Variants in PLA2G4C observed in about 807,000 individuals in gnomAD.
PLA2G4C encodes cytosolic phospholipase A2 gamma.
A neutral mutation model predicts 73.8 loss-of-function variants in PLA2G4C; 64 were observed. The ratio of observed to expected loss-of-function variants is 0.87; its 90% CI spans 0.71 to 1.07. PLA2G4C has a LOEUF of 1.07. Ranked by LOEUF, PLA2G4C falls within the 50% of genes least tolerant of loss-of-function variation. The pLI, the probability that PLA2G4C is intolerant of heterozygous loss-of-function variation, is 0.00. For missense variants in PLA2G4C, 622 were observed against 665.4 expected, an observed-to-expected ratio of 0.93 and a Z score of 0.72; for synonymous variants, 254 against 252.1, an observed-to-expected ratio of 1.01 and a Z score of -0.07.
chr19:48,096,316 C>G (rs1407221173), intron 6 of PLA2G4C, among the ~76,000 whole-genome samples: 1 of 152,140 alleles, frequency 6.6e-6, no homozygotes, highest in African/African-American at 2.4e-5. Context: ...GGCGTGGTGG[C>G]TCACGTCTGT....
chr19:48,086,320 C>T (rs992420882), intron 9 of PLA2G4C, among the ~76,000 whole-genome samples: 1 of 152,106 alleles, frequency 6.6e-6, no homozygotes, highest in Non-Finnish European at 1.5e-5. Flanking sequence ...GTGGGATCCG[C>T]GTGGGGCTTA....
At chr19:48,067,425 C>A (rs1968474487) in intron 13 of PLA2G4C, among the ~76,000 whole-genome samples, 1 of 152,170 alleles carries the variant, frequency 6.6e-6, no homozygotes, top group Non-Finnish European at 1.5e-5. Flanking sequence ...GCCTCAGCCT[C>A]CCAAAGTGCT....
intron 10 of PLA2G4C, among the ~76,000 whole-genome samples, chr19:48,082,185 A>C (rs148976829): frequency 3.9e-5 from 6 of 152,230 alleles, no homozygotes; most frequent in South Asian, 2.1e-4. Flanking sequence ...TCATCGTGTA[A>C]CAGAAACCAC....
At chr19:48,090,860 C>G (rs942953457) in intron 7 of PLA2G4C, among the ~76,000 whole-genome samples, 1 of 152,080 alleles carries the variant, frequency 6.6e-6, no homozygotes, top group Admixed American at 6.5e-5. Context: ...AAGGAGCAGG[C>G]CAGGTATGGT....
intron 7 of PLA2G4C, among the ~76,000 whole-genome samples, chr19:48,095,131 T>A (rs1179956702): frequency 6.6e-6 from 1 of 152,118 alleles, no homozygotes; most frequent in Non-Finnish European, 1.5e-5. Flanking sequence ...CAAGGGATCC[T>A]CCCAGGTCAG....
intron 11 of PLA2G4C, among the ~76,000 whole-genome samples, chr19:48,076,472 G>T (rs112009684): frequency 0.02 from 3,117 of 152,206 alleles, 108 homozygotes; most frequent in African/African-American, 0.07. Context: ...GCCCAGCGCG[G>T]TGGCTCACAC....
At chr19:48,076,025 C>T (rs931528401) in intron 11 of PLA2G4C, among the ~76,000 whole-genome samples, 2 of 152,236 alleles carry the variant, frequency 1.3e-5, no homozygotes, top group African/African-American at 4.8e-5. Flanking sequence ...CCCCAGAATC[C>T]AACCCTACTG....
intron 4 of PLA2G4C, 85 bp downstream of exon 4, chr19:48,104,503 A>G (rs931357382): frequency 1.3e-5 from 18 of 1,379,926 alleles, no homozygotes; most frequent in Admixed American, 1.8e-5. Context: ...AGCGTTGGAA[A>G]AAACCACACA....
intron 7 of PLA2G4C, among the ~76,000 whole-genome samples, chr19:48,093,151 C>T (rs925387247): frequency 6.6e-6 from 1 of 152,076 alleles, no homozygotes; most frequent in African/African-American, 2.4e-5. Flanking sequence ...TGAAGGACCC[C>T]GTCTGTCCAG....
chr19:48,049,775 G>A (rs1163120852), intron 16 of PLA2G4C, among the ~76,000 whole-genome samples: 1 of 152,146 alleles, frequency 6.6e-6, no homozygotes, highest in Non-Finnish European at 1.5e-5. Context: ...AGGCACAGAG[G>A]AAAATCATGT....
At chr19:48,075,968 C>T (rs1385960920) in intron 11 of PLA2G4C, among the ~76,000 whole-genome samples, 2 of 152,236 alleles carry the variant, frequency 1.3e-5, no homozygotes, top group East Asian at 3.8e-4. Flanking sequence ...AACATTAAAG[C>T]CCGCCATGTG....
chr19:48,065,451 A>G (rs990612207), intron 13 of PLA2G4C, among the ~76,000 whole-genome samples: 1 of 151,938 alleles, frequency 6.6e-6, no homozygotes, highest in East Asian at 1.9e-4. Flanking sequence ...CCCTGTCTCT[A>G]CTAAAAATAC....
At chr19:48,101,671 T>C (rs1051684108) in intron 4 of PLA2G4C, among the ~76,000 whole-genome samples, 3 of 141,332 alleles carry the variant, frequency 2.1e-5, no homozygotes, top group African/African-American at 7.8e-5. Context: ...TTTCCTTTAA[T>C]ATCTTTTTTT....
At chr19:48,051,763 G>A (rs970059492) in intron 16 of PLA2G4C, 84 of 151,902 alleles carry the variant, frequency 5.5e-4, no homozygotes, top group African/African-American at 2.0e-3. Flanking sequence ...AAACCATATC[G>A]ATAGAGTAAG....
At chr19:48,095,130 C>T (rs981453524) in intron 7 of PLA2G4C, among the ~76,000 whole-genome samples, 1 of 152,124 alleles carries the variant, frequency 6.6e-6, no homozygotes, top group Non-Finnish European at 1.5e-5. Flanking sequence ...TCAAGGGATC[C>T]TCCCAGGTCA....
chr19:48,053,364 C>CTTTTTTTTTTT (rs1174332835), intron 15 of PLA2G4C, among the ~76,000 whole-genome samples: 6 of 100,624 alleles, frequency 6.0e-5, no homozygotes, highest in African/African-American at 1.6e-4. Flanking sequence ...GTCCTTTTTT[C>CTTTTTTTTTTT]TTTTTTTTTT....
rs186076091 is a variant in PLA2G4C, at chr19:48,100,745, T to C, written c.258-885A>G. ...TAACATGGTGAAACCCCGTCTCTACTAAAAATACAAAAAATTAGCTGGGTG... is the reference window on the plus strand; with the variant it reads ...TAACATGGTGAAACCCCGTCTCTACCAAAAATACAAAAAATTAGCTGGGTG... On this transcript the variant is annotated intron_variant, in intron 4 of 16. Transcript: ENST00000599921. Among the ~76,000 whole-genome samples the C allele has an allele frequency of 5.1e-4, 70 of 137,742 alleles. 1 individual carries two copies. In the East Asian group the frequency reaches 0.015, roughly 29 times the overall value. 90.4% of individuals were successfully genotyped at this position (137,742 alleles called of 152,430 possible). A position where few individuals can be genotyped will look rare whatever the true frequency, so the allele number is the denominator to read the frequency against.
intron 10 of PLA2G4C, among the ~76,000 whole-genome samples, chr19:48,080,332 G>A (rs1291949823): frequency 6.6e-6 from 1 of 152,154 alleles, no homozygotes; most frequent in Admixed American, 6.5e-5. Context: ...AAAAACCATA[G>A]ACGTTGGTGT....
chr19:48,059,764 CTTTTT>C (rs571325645), intron 14 of PLA2G4C, among the ~76,000 whole-genome samples: 12 of 122,458 alleles, frequency 9.8e-5, no homozygotes, highest in African/African-American at 2.3e-4. Flanking sequence ...GGCTTCCCTA[CTTTTT>C]TTTTTTTTTT....
Sources: allele counts gnomAD v4.1 joint callset (sites outside exome capture counted in the v4.1 genomes callset), GRCh38; gene constraint gnomAD v4.1.1; transcripts MANE v1.5; gene names NCBI Gene and HGNC (gene_info 2026-07-23, HGNC 2026-07-21).